ADSL: variants seen among roughly 807,000 people sequenced by gnomAD.
ADSL encodes adenylosuccinase.
ADSL carries 44 observed loss-of-function variants against 62.1 expected under a neutral mutation model. The observed-to-expected ratio is 0.71, with a 90% confidence interval of 0.56 to 0.91. ADSL has a LOEUF of 0.91. Ranked by LOEUF, ADSL falls within the 40% of genes least tolerant of loss-of-function variation. The pLI is 0.00. For synonymous variants in ADSL, 198 were observed against 220.5 expected (o/e 0.90, Z 0.90); for missense variants, 531 against 627.4 (o/e 0.85, Z 1.64).
chr22:40,361,439 C>G, intron 8 of ADSL, 49 bp from the exon 9 acceptor site: 1 of 1,613,862 alleles, frequency 6.2e-7, no homozygotes, highest in Non-Finnish European at 8.5e-7. Context: ...ACTCACTATC[C>G]TCTGAAGTCT....
chr22:40,373,631 T>C (rs979895087), downstream of ADSL: 6 of 152,288 alleles, frequency 3.9e-5, no homozygotes, highest in African/African-American at 1.4e-4. Flanking sequence ...GTTTTTGTTT[T>C]TTTGAGACAT....
At chr22:40,349,420 G>C (rs1190459385) in intron 1 of ADSL, among the ~76,000 whole-genome samples, 1 of 150,888 alleles carries the variant, frequency 6.6e-6, no homozygotes, top group Non-Finnish European at 1.5e-5. Flanking sequence ...TGTTGCCCAG[G>C]CTGGAGTGCA....
downstream of ADSL, among the ~76,000 whole-genome samples, chr22:40,374,207 C>T (rs1230642948): frequency 6.6e-6 from 1 of 152,126 alleles, no homozygotes; most frequent in Non-Finnish European, 1.5e-5. Context: ...CTGCCTCGGC[C>T]TCCCAAAGTG....
chr22:40,371,605 C>T (rs940440577), downstream of ADSL, among the ~76,000 whole-genome samples: 8 of 152,046 alleles, frequency 5.3e-5, no homozygotes, highest in Non-Finnish European at 1.0e-4. Flanking sequence ...CTTTTAGTTC[C>T]AATTATCTCT....
In ADSL at chr22:40,361,564, C is replaced by T; in HGVS notation, c.939C>T (p.Thr313=). 6.2e-7 allele frequency: 1 copy of T among 1,614,176 alleles called. No individual in the cohort carries two copies. The highest frequency in any genetic ancestry group is 8.5e-7 in the Non-Finnish European group (1 of 1,180,042). ...GCAGTCTTGCCCGCCACCTGATGAC[C>T]CTTGTCATGGACCCGCTACAGACAG... ...RCCSLARHLM[T]LVMDPLQTAS... Residue 313 remains threonine, a synonymous_variant, in exon 9 of 13, where the codon ACC becomes ACT. Coordinates refer to ENST00000623063, the MANE Select transcript of ADSL (RefSeq NM_000026.4).
At chr22:40,358,577 C>T (rs2044654232) in intron 4 of ADSL, among the ~76,000 whole-genome samples, 1 of 152,098 alleles carries the variant, frequency 6.6e-6, no homozygotes, top group Admixed American at 6.6e-5. Context: ...GAGCAAGACC[C>T]AGTCTAGAAA....
At chr22:40,379,907 C>T (rs777978600) in intron 2 of ADSL, among the ~76,000 whole-genome samples, 6 of 152,032 alleles carry the variant, frequency 3.9e-5, no homozygotes, top group African/African-American at 7.2e-5. Context: ...GATTGGGTTT[C>T]GTCATGTTGC....
chr22:40,358,840 C>T (rs376777238), intron 4 of ADSL, 24 bp from the exon 5 acceptor site: 40 of 1,613,380 alleles, frequency 2.5e-5, no homozygotes, highest in Non-Finnish European at 3.4e-5. Context: ...CTGAGACTTT[C>T]GTGTGTTCTC....
At chr22:40,356,492 G>A (rs867300109) in intron 4 of ADSL, among the ~76,000 whole-genome samples, 7 of 147,402 alleles carry the variant, frequency 4.7e-5, no homozygotes, top group Admixed American at 1.4e-4. Context: ...CCAAGATCGC[G>A]CCGCTGCACT....
rs1052965936 is a variant in ADSL at position 40,367,883 on chromosome 22, T to C, written c.*1361T>C. The C allele has an allele frequency of 4.6e-5, 7 of 152,210 alleles. No homozygotes were observed. Among genetic ancestry groups the C allele is most frequent in the African/African-American group, 1.7e-4 (7 of 41,442 alleles). 9.4% of individuals were successfully genotyped at this position (152,210 alleles called of 1,614,324 possible). On this transcript the variant is annotated 3_prime_UTR_variant, in exon 13 of 13. Transcript: ENST00000623063. ...GTTAATAAAGATCAATGTAAATAAG[T>C]TAATCTTAAACTCAGTATGCACCAG...
At position 40,346,548 on chromosome 22, in the gene ADSL, G is replaced by T. The variant is rs200713871; in HGVS notation, c.-11G>T. ...TGGTCCAGTCCACCCTGGCGGGGTCGCAGGGTTGGGATGGCGGCTGGAGGC... is the reference window on the plus strand; with the variant it reads ...TGGTCCAGTCCACCCTGGCGGGGTCTCAGGGTTGGGATGGCGGCTGGAGGC... On this transcript the variant is annotated 5_prime_UTR_variant, in exon 1 of 13. Transcript: ENST00000623063. 1.3e-4 allele frequency: 216 copies of T among 1,600,418 alleles called. No homozygotes were observed. The highest frequency in any genetic ancestry group is 1.8e-4 in the Non-Finnish European group (211 of 1,175,618).
At position 40,381,268 on chromosome 22, in the gene ADSL, C is replaced by T. The variant is rs142191445; in HGVS notation, c.90-8962C>T. On this transcript the variant is annotated intron_variant, in intron 2 of 2. Coordinates refer to the ADSL transcript ENST00000498234. ...GCTCAGGCAGTCCTCCCACCTGAGCCTCCCAAGTAGCTGGGACTACAGGTG... is the reference window on the plus strand; with the variant it reads ...GCTCAGGCAGTCCTCCCACCTGAGCTTCCCAAGTAGCTGGGACTACAGGTG... Among the ~76,000 whole-genome samples the T allele has an allele frequency of 4.6e-5, 7 of 152,150 alleles. No individual in the cohort carries two copies. In the East Asian group the frequency reaches 1.2e-3, roughly 25 times the overall value.
chr22:40,382,577 AT>A (rs2047743435), intron 2 of ADSL, among the ~76,000 whole-genome samples: 1 of 152,162 alleles, frequency 6.6e-6, no homozygotes, highest in African/African-American at 2.4e-5. Flanking sequence ...AATGCATGAC[AT>A]TTTTATGACA....
At chr22:40,362,505 TA>T (rs1385134820) in intron 9 of ADSL, among the ~76,000 whole-genome samples, 11 of 152,164 alleles carry the variant, frequency 7.2e-5, no homozygotes, top group African/African-American at 2.7e-4. Flanking sequence ...GGGGCTACTT[TA>T]AAAGTCTGAG....
chr22:40,346,873 G>A (rs1265086664), intron 1 of ADSL, among the ~76,000 whole-genome samples, 162 bp downstream of exon 1: 1 of 152,194 alleles, frequency 6.6e-6, no homozygotes, highest in Non-Finnish European at 1.5e-5. Context: ...AGGAAAGCAA[G>A]GGCAGGAGAT....
intron 1 of ADSL, among the ~76,000 whole-genome samples, 182 bp downstream of exon 1, chr22:40,346,893 G>T (rs1196240431): frequency 6.6e-6 from 1 of 152,168 alleles, no homozygotes; most frequent in Non-Finnish European, 1.5e-5. Flanking sequence ...TCCGGGAGCC[G>T]CCACCTGTTG....
downstream of ADSL, chr22:40,373,269 C>T (rs2045927500): frequency 6.6e-6 from 1 of 152,210 alleles, no homozygotes; most frequent in Admixed American, 6.5e-5. Flanking sequence ...CTTTCTCATT[C>T]TTAAAAATAT....
Position 40,364,315 on chromosome 22 carries a change from G to A in ADSL, c.1141G>A (p.Ala381Thr). 6.2e-7 allele frequency: 1 copy of A among 1,614,010 alleles called. No individual in the cohort carries two copies. The highest frequency in any genetic ancestry group is 8.5e-7 in the Non-Finnish European group (1 of 1,179,992). ...CATTCGGCAAGAGCTGCCTTTCATG[G>A]CCACAGAGAACATCATCATGGCCAT... is the stretch of plus-strand genomic sequence containing the variant. ...RRIRQELPFM[A>T]TENIIMAMVK... The change falls in exon 11 of 13, where the codon GCC becomes ACC. Residue 381 changes from alanine to threonine, a missense_variant. Physicochemically the swap from Ala to Thr is moderately conservative, Grantham distance 58. Transcript: ENST00000623063.
At chr22:40,348,903 C>T (rs1308546777) in intron 1 of ADSL, 1 of 277,956 alleles carries the variant, frequency 3.6e-6, no homozygotes, top group Non-Finnish European at 6.6e-6. Flanking sequence ...TTTTTTGCAG[C>T]CTAATTTTTC....
Sources: allele counts gnomAD v4.1 joint callset (sites outside exome capture counted in the v4.1 genomes callset), GRCh38; gene constraint gnomAD v4.1.1; transcripts MANE v1.5; gene names NCBI Gene and HGNC (gene_info 2026-07-23, HGNC 2026-07-21).